Variants in SEMA3D observed in about 807,000 individuals in gnomAD.
The protein encoded by SEMA3D is semaphorin-3D.
Under a neutral mutation model 100.1 loss-of-function variants are expected in SEMA3D, and 84 were observed. That is an observed-to-expected ratio of 0.84 (90% CI 0.70 to 1.01). The LOEUF (loss-of-function observed/expected upper bound fraction) is 1.01, where lower values mean the gene tolerates loss of function less well. Among genes scored for constraint, SEMA3D ranks in the 50% least tolerant of loss-of-function variants. The probability of loss-of-function intolerance (pLI) is 0.00; values close to 1 mark genes in which losing one functional copy is unlikely to be tolerated. For synonymous variants in SEMA3D, 312 were observed against 320.7 expected (o/e 0.97, Z 0.29); for missense variants, 875 against 934.1 (o/e 0.94, Z 0.82).
intron 2 of SEMA3D, among the ~76,000 whole-genome samples, chr7:85,149,265 C>A (rs1235231074): frequency 6.6e-6 from 1 of 151,356 alleles, no homozygotes; most frequent in Non-Finnish European, 1.5e-5. Flanking sequence ...GACAACATGG[C>A]GAAACCCTGC....
intron 4 of SEMA3D, 88 bp downstream of exon 4, chr7:85,097,717 G>A (rs1460173232): frequency 1.5e-5 from 11 of 749,588 alleles, no homozygotes; most frequent in Non-Finnish European, 2.4e-5. Context: ...TTGACACTGT[G>A]TCCCTTAAAA....
intron 1 of SEMA3D, among the ~76,000 whole-genome samples, chr7:85,175,017 C>A (rs1791188076): frequency 6.6e-6 from 1 of 152,056 alleles, no homozygotes; most frequent in Admixed American, 6.6e-5. Flanking sequence ...AAGGAAAACT[C>A]AAAATCTTCA....
intron 12 of SEMA3D, among the ~76,000 whole-genome samples, chr7:85,025,767 C>A (rs1455926284): frequency 6.6e-6 from 1 of 151,966 alleles, no homozygotes; most frequent in African/African-American, 2.4e-5. Flanking sequence ...CCTGCTTATT[C>A]ATCGAAGAGT....
intron 4 of SEMA3D, among the ~76,000 whole-genome samples, chr7:85,083,096 T>C (rs1788110274): frequency 6.6e-6 from 1 of 152,120 alleles, no homozygotes; most frequent in South Asian, 2.1e-4. Context: ...TCTCCTCAAA[T>C]TGCAAACCGC....
the SEMA3D span, among the ~76,000 whole-genome samples, chr7:85,241,499 T>C: frequency 1.1e-5 from 1 of 92,492 alleles, no homozygotes; most frequent in Non-Finnish European, 1.9e-5. Flanking sequence ...ATATGAATAC[T>C]ACTCAGCAAT....
chr7:85,154,527 A>C (rs923787912), intron 1 of SEMA3D, among the ~76,000 whole-genome samples: 5 of 152,108 alleles, frequency 3.3e-5, no homozygotes, highest in African/African-American at 1.2e-4. Flanking sequence ...AAGGCTGACC[A>C]GACATTTACT....
At chr7:85,151,602 T>A in intron 2 of SEMA3D, 1 of 171,328 alleles carries the variant, frequency 5.8e-6, no homozygotes, top group African/African-American at 1.0e-4. Flanking sequence ...TGTATGCGTG[T>A]GTGTGTGTGT....
At chr7:85,031,280 CAGATGCAGA>C (rs1790540630) in intron 12 of SEMA3D, among the ~76,000 whole-genome samples, 1 of 151,940 alleles carries the variant, frequency 6.6e-6, no homozygotes, top group Non-Finnish European at 1.5e-5. Context: ...AATAGCAATA[CAGATGCAGA>C]AAATGTAAAA....
chr7:85,217,867 T>C, the SEMA3D span, among the ~76,000 whole-genome samples: 1 of 152,128 alleles, frequency 6.6e-6, no homozygotes, highest in Non-Finnish European at 1.5e-5. Context: ...TTATCATTTA[T>C]ATCACTGTCA....
At chr7:85,238,976 A>G in the SEMA3D span, among the ~76,000 whole-genome samples, 47 of 152,236 alleles carry the variant, frequency 3.1e-4, no homozygotes, top group African/African-American at 4.8e-4. Flanking sequence ...ATTTTAAAAA[A>G]CTTTAAATTT....
Position 85,015,011 on chromosome 7 carries a change from T to G in SEMA3D, c.1703+48A>C, listed in dbSNP as rs369174615. On this transcript the variant is annotated intron_variant, in intron 16 of 18. Coordinates refer to ENST00000284136, the MANE Select transcript of SEMA3D (RefSeq NM_001384900.1). The stretch of plus-strand genomic sequence containing the variant: ...AAGACAAAGCATTAATGTGAGATAT[T>G]CAGCTTGTAGAAAGGAAGCCTTTAT... 2.9e-5 allele frequency: 41 copies of G among 1,436,472 alleles called. No homozygotes were observed. The Admixed American group carries it at 6.0e-4, about 21-fold the overall frequency. The allele number at this position is 1,436,472 out of a possible 1,614,324, so 89.0% of individuals were successfully genotyped here.
the SEMA3D span, among the ~76,000 whole-genome samples, chr7:85,232,019 C>T: frequency 0.1 from 15,856 of 152,036 alleles, 2,227 homozygotes; most frequent in African/African-American, 0.32. Flanking sequence ...AAAAGATTCA[C>T]CCACTCTATT....
rs1263007876 is a variant in SEMA3D at position 84,996,071 on chromosome 7, G to A, written c.*3369C>T. 6.6e-6 allele frequency: 1 copy of A among 151,454 alleles called. No individual in the cohort carries two copies. Among genetic ancestry groups the A allele is most frequent in the Admixed American group, 6.6e-5 (1 of 15,206 alleles). The allele number at this position is 151,454 out of a possible 1,614,324, so 9.4% of individuals were successfully genotyped here. A position where few individuals can be genotyped will look rare whatever the true frequency, so the allele number is the denominator to read the frequency against. On this transcript the variant is annotated 3_prime_UTR_variant, in exon 19 of 19. Coordinates refer to ENST00000284136, the MANE Select transcript of SEMA3D (RefSeq NM_001384900.1). ...TAAGAAAAATGTGACATTCTAAAGGGAGGCTATTTCAGTTTTGATTTCCAT... is the reference window on the plus strand; with the variant it reads ...TAAGAAAAATGTGACATTCTAAAGGAAGGCTATTTCAGTTTTGATTTCCAT...
intron 1 of SEMA3D, among the ~76,000 whole-genome samples, chr7:85,181,312 T>G (rs1364056599): frequency 8.9e-6 from 1 of 112,252 alleles, no homozygotes; most frequent in African/African-American, 3.5e-5. Context: ...AATAAAGACA[T>G]GCTCACAACA....
intron 4 of SEMA3D, among the ~76,000 whole-genome samples, chr7:85,082,696 A>G (rs774375682): frequency 1.4e-4 from 22 of 152,354 alleles, no homozygotes; most frequent in Non-Finnish European, 2.6e-4. Flanking sequence ...TTTATATGAT[A>G]TTATCTTTGT....
chr7:85,098,602 A>C (rs1347341420), intron 3 of SEMA3D, among the ~76,000 whole-genome samples: 1 of 151,864 alleles, frequency 6.6e-6, no homozygotes, highest in East Asian at 1.9e-4. Flanking sequence ...TGCCCCACAC[A>C]TTCATAGCTT....
chr7:85,072,241 T>C (rs1791794918), intron 6 of SEMA3D, among the ~76,000 whole-genome samples: 1 of 152,212 alleles, frequency 6.6e-6, no homozygotes, highest in South Asian at 2.1e-4. Context: ...AGATCTGGAA[T>C]ACATGACTCC....
rs150718162 is a variant in SEMA3D at position 85,121,635 on chromosome 7, A to G, written c.151+106T>C. Reference sequence around the variant, plus strand: ...TCTATTTTTATGAACTGATGCCAAAACATTTCACAGAAGTCAATATGCTTT... The same window carrying G: ...TCTATTTTTATGAACTGATGCCAAAGCATTTCACAGAAGTCAATATGCTTT... On this transcript the variant is annotated intron_variant, in intron 3 of 18. Coordinates refer to ENST00000284136, the MANE Select transcript of SEMA3D (RefSeq NM_001384900.1). The G allele has an allele frequency of 2.6e-3, 1,642 of 626,180 alleles. 44 individuals carry two copies. The East Asian group carries it at 0.049, about 19-fold the overall frequency. 38.8% of individuals were successfully genotyped at this position (626,180 alleles called of 1,614,324 possible). A position where few individuals can be genotyped will look rare whatever the true frequency, so the allele number is the denominator to read the frequency against.
the SEMA3D span, among the ~76,000 whole-genome samples, chr7:85,202,695 A>C: frequency 6.6e-6 from 1 of 152,174 alleles, no homozygotes; most frequent in Non-Finnish European, 1.5e-5. Flanking sequence ...ATGAACAGAC[A>C]CTTCTCAAAA....
Sources: allele counts gnomAD v4.1 joint callset (sites outside exome capture counted in the v4.1 genomes callset), GRCh38; gene constraint gnomAD v4.1.1; transcripts MANE v1.5; gene names NCBI Gene and HGNC (gene_info 2026-07-23, HGNC 2026-07-21).